The following ROS1 variants were observed in gnomAD, a reference collection of about 807,000 sequenced individuals.
ROS1 encodes the protein proto-oncogene tyrosine-protein kinase ROS.
In ROS1, 263 loss-of-function variants were observed where a neutral mutation model predicts 273.5. That is an observed-to-expected ratio of 0.96 (90% CI 0.87 to 1.06). The LOEUF is 1.06. Among genes scored for constraint, ROS1 ranks in the 50% least tolerant of loss-of-function variants. ROS1 has a pLI of 0.00. For missense variants in ROS1, 2,833 were observed against 2,751.1 expected (o/e 1.03, Z -0.67); for synonymous variants, 1,008 against 954.1 (o/e 1.06, Z -1.04).
intron 18 of ROS1, 71 bp downstream of exon 18, chr6:117,378,988 T>G: frequency 2.2e-6 from 2 of 889,272 alleles, no homozygotes; most frequent in Non-Finnish European, 3.6e-6. Context: ...AATAAATGAA[T>G]TTCCATGCAT....
At chr6:117,322,840 A>T (rs766194815) in intron 35 of ROS1, among the ~76,000 whole-genome samples, 11 of 152,212 alleles carry the variant, frequency 7.2e-5, no homozygotes, top group Non-Finnish European at 1.3e-4. Context: ...CGTGAATTTC[A>T]AACAGAATAA....
intron 40 of ROS1, 78 bp downstream of exon 40, chr6:117,310,942 C>T (rs563736897): frequency 2.5e-6 from 2 of 814,076 alleles, no homozygotes; most frequent in East Asian, 2.6e-5. Context: ...GTTTAATTAT[C>T]TTGTGTGCTT....
intron 4 of ROS1, among the ~76,000 whole-genome samples, chr6:117,411,643 T>C (rs1313933237): frequency 6.6e-6 from 1 of 152,162 alleles, no homozygotes; most frequent in Non-Finnish European, 1.5e-5. Context: ...AGGCTGCCAG[T>C]GCCCTTTCCA....
At chr6:117,349,921 TA>T (rs1778680618) in intron 27 of ROS1, among the ~76,000 whole-genome samples, 2 of 152,020 alleles carry the variant, frequency 1.3e-5, no homozygotes, top group Admixed American at 1.3e-4. Context: ...TTTTGCTTAA[TA>T]TAAATATAAA....
At chr6:117,403,543 T>C (rs908323372) in intron 6 of ROS1, among the ~76,000 whole-genome samples, 5 of 152,142 alleles carry the variant, frequency 3.3e-5, no homozygotes, top group African/African-American at 4.8e-5. Context: ...CATAGTATCT[T>C]GGGACTATTT....
chr6:117,420,550 T>C (rs1022046959), intron 1 of ROS1, among the ~76,000 whole-genome samples: 1 of 151,128 alleles, frequency 6.6e-6, no homozygotes, highest in Admixed American at 6.6e-5. Context: ...CTGAACATTG[T>C]GCACATGTAC....
At chr6:117,351,289 T>C (rs549074223) in intron 27 of ROS1, among the ~76,000 whole-genome samples, 1 of 152,244 alleles carries the variant, frequency 6.6e-6, no homozygotes, top group Non-Finnish European at 1.5e-5. Context: ...GTTGGGCACT[T>C]CTCTTTACCC....
chr6:117,343,067 C>T (rs1778073924), intron 28 of ROS1, among the ~76,000 whole-genome samples: 3 of 151,292 alleles, frequency 2.0e-5, no homozygotes, highest in African/African-American at 7.3e-5. Context: ...TGGGGTGAAG[C>T]CTAGATGCAG....
chr6:117,306,613 G>A (rs1775123314), intron 42 of ROS1, among the ~76,000 whole-genome samples: 1 of 152,188 alleles, frequency 6.6e-6, no homozygotes, highest in Non-Finnish European at 1.5e-5. Context: ...GGGCTCACCT[G>A]ACCTGGAGTG....
intron 26 of ROS1, among the ~76,000 whole-genome samples, chr6:117,356,209 G>C (rs559106505): frequency 2.4e-4 from 37 of 152,248 alleles, no homozygotes; most frequent in African/African-American, 8.9e-4. Flanking sequence ...GTTGTAGTTA[G>C]ACCCAGTTTC....
At chr6:117,372,956 A>C (rs1417984500) in intron 18 of ROS1, among the ~76,000 whole-genome samples, 1 of 152,170 alleles carries the variant, frequency 6.6e-6, no homozygotes, top group Non-Finnish European at 1.5e-5. Context: ...CATTTTACAG[A>C]GAGCTGATTG....
At chr6:117,362,941 T>TCC (rs1779928159) in intron 21 of ROS1, 76 bp from the exon 22 acceptor site, 1 of 1,234,638 alleles carries the variant, frequency 8.1e-7, no homozygotes, top group Non-Finnish European at 1.1e-6. Flanking sequence ...CCACTTATAA[T>TCC]AAGATTGTAA....
At chr6:117,317,773 G>C (rs1293554014) in intron 38 of ROS1, among the ~76,000 whole-genome samples, 2 of 152,102 alleles carry the variant, frequency 1.3e-5, no homozygotes, top group Non-Finnish European at 2.9e-5. Flanking sequence ...TGCTTGAGCA[G>C]TTTTTATGAC....
chr6:117,412,282 T>C (rs1298841661), intron 4 of ROS1, among the ~76,000 whole-genome samples: 1 of 151,948 alleles, frequency 6.6e-6, no homozygotes, highest in Non-Finnish European at 1.5e-5. Flanking sequence ...ATTTTGACTA[T>C]TTTATACTAC....
intron 19 of ROS1, 45 bp downstream of exon 19, chr6:117,366,031 C>T (rs1390198214): frequency 7.0e-7 from 1 of 1,419,294 alleles, no homozygotes; most frequent in East Asian, 2.3e-5. Context: ...ATTTATTTAA[C>T]TGAAGGTATA....
intron 27 of ROS1, among the ~76,000 whole-genome samples, chr6:117,346,198 A>G (rs1778361270): frequency 6.6e-6 from 1 of 152,168 alleles, no homozygotes; most frequent in South Asian, 2.1e-4. Flanking sequence ...ATATAATATG[A>G]CATGTTGAAG....
intron 19 of ROS1, 40 bp downstream of exon 19, chr6:117,366,036 G>T (rs893526125): frequency 6.9e-7 from 1 of 1,442,412 alleles, no homozygotes; most frequent in Non-Finnish European, 9.7e-7. Context: ...TTTAACTGAA[G>T]GTATAGTGGA....
chr6:117,370,552 ATTAG>A (rs1025050269), intron 18 of ROS1, among the ~76,000 whole-genome samples: 5 of 152,304 alleles, frequency 3.3e-5, no homozygotes, highest in Admixed American at 2.0e-4. Context: ...CTTAAAAACT[ATTAG>A]TTAAATATTT....
chr6:117,352,911 C>G (rs1402694461), intron 27 of ROS1, 79 bp downstream of exon 27: 13 of 1,331,256 alleles, frequency 9.8e-6, no homozygotes, highest in Non-Finnish European at 1.4e-5. Flanking sequence ...AAAGGGACAG[C>G]CTTGGAGAAG....
Sources: allele counts gnomAD v4.1 joint callset (sites outside exome capture counted in the v4.1 genomes callset), GRCh38; gene constraint gnomAD v4.1.1; transcripts MANE v1.5; gene names NCBI Gene and HGNC (gene_info 2026-07-23, HGNC 2026-07-21).